Variants in UNC5D observed in about 807,000 individuals in gnomAD.
UNC5D encodes the protein unc-5 netrin receptor D.
A neutral mutation model predicts 105.4 loss-of-function variants in UNC5D; 39 were observed. That is an observed-to-expected ratio of 0.37 (90% CI 0.29 to 0.48). The LOEUF is 0.48. UNC5D is among the 20% of genes least tolerant of loss of function. The pLI, the probability that UNC5D is intolerant of heterozygous loss-of-function variation, is 0.98. For synonymous variants in UNC5D, 452 were observed against 450.4 expected, an observed-to-expected ratio of 1.00 and a Z score of -0.04; for missense variants, 991 against 1,202.4, an observed-to-expected ratio of 0.82 and a Z score of 2.60.
At chr8:35,328,048 T>C (rs1347707374) in intron 1 of UNC5D, among the ~76,000 whole-genome samples, 4 of 152,078 alleles carry the variant, frequency 2.6e-5, no homozygotes, top group Non-Finnish European at 5.9e-5. Context: ...GGATGTGTTT[T>C]TTGTTTGTTT....
chr8:35,793,249 A>G lies in UNC5D; in HGVS notation c.*2686A>G, dbSNP rs1170386854. 1 of 424,094 alleles carries G rather than the reference A, an allele frequency of 2.4e-6. No homozygotes were observed. Among genetic ancestry groups the G allele is most frequent in the Non-Finnish European group, 4.7e-6 (1 of 211,318 alleles). 26.3% of individuals were successfully genotyped at this position (424,094 alleles called of 1,614,324 possible). A position where few individuals can be genotyped will look rare whatever the true frequency, so the allele number is the denominator to read the frequency against. ...TTCAAAGAGAACCCACATTTGTGAG[A>G]TTTACAGACCAAGGTGTGGTGGAGG... On this transcript the variant is annotated 3_prime_UTR_variant, in exon 17 of 17. Coordinates refer to ENST00000404895, the MANE Select transcript of UNC5D (RefSeq NM_080872.4).
chr8:35,564,039 A>T (rs1230469941), intron 2 of UNC5D, among the ~76,000 whole-genome samples: 1 of 152,154 alleles, frequency 6.6e-6, no homozygotes, highest in Non-Finnish European at 1.5e-5. Flanking sequence ...ATCTGTGTTC[A>T]TCAACTATAT....
intron 1 of UNC5D, among the ~76,000 whole-genome samples, chr8:35,508,503 C>T (rs182356593): frequency 3.3e-4 from 50 of 152,300 alleles, no homozygotes; most frequent in South Asian, 1.2e-3. Flanking sequence ...AAGCTACCGC[C>T]TTTGAATCTT....
At chr8:35,727,525 C>T (rs1586541693) in intron 10 of UNC5D, 1 of 152,178 alleles carries the variant, frequency 6.6e-6, no homozygotes, top group East Asian at 1.9e-4. Context: ...ACTGACCCCT[C>T]TAGTAGCTTA....
intron 1 of UNC5D, among the ~76,000 whole-genome samples, chr8:35,295,170 A>C (rs181044046): frequency 6.6e-6 from 1 of 152,312 alleles, no homozygotes; most frequent in East Asian, 1.9e-4. Flanking sequence ...AAGTTTGTTT[A>C]CATTTCTCTC....
intron 4 of UNC5D, among the ~76,000 whole-genome samples, chr8:35,604,170 A>G (rs568900330): frequency 6.6e-6 from 1 of 152,162 alleles, no homozygotes; most frequent in Non-Finnish European, 1.5e-5. Context: ...ATGTTTTTGC[A>G]GTGGCTGGTA....
chr8:35,382,467 T>C, intron 1 of UNC5D, among the ~76,000 whole-genome samples: 1 of 152,120 alleles, frequency 6.6e-6, no homozygotes, highest in East Asian at 1.9e-4. Flanking sequence ...ATGCCCCTTA[T>C]TTTTTTATTT....
At chr8:35,415,366 CTGT>C (rs2128961232) in intron 1 of UNC5D, among the ~76,000 whole-genome samples, 1 of 152,192 alleles carries the variant, frequency 6.6e-6, no homozygotes, top group South Asian at 2.1e-4. Flanking sequence ...TGCAATCCAC[CTGT>C]TGTTTATTTT....
rs374094705 is a variant in UNC5D, at chr8:35,790,375, G to A, written c.2674G>A (p.Ala892Thr). Residue 892 changes from alanine to threonine, a missense_variant, in exon 17 of 17, where the codon GCT becomes ACT. Coordinates refer to ENST00000404895, the MANE Select transcript of UNC5D (RefSeq NM_080872.4). ...NSINRNLSYFATQSSPSAVIL... is the reference protein window; with the variant it reads ...NSINRNLSYFTTQSSPSAVIL... ...TCCATCTAGGAATTTATCTTATTTC[G>A]CTACACAAAGTAGCCCATCTGCTGT... is the stretch of plus-strand genomic sequence containing the variant. 45 of 1,613,016 alleles carry A rather than the reference G, an allele frequency of 2.8e-5. No homozygotes were observed. The highest frequency in any genetic ancestry group is 3.5e-5 in the Non-Finnish European group (41 of 1,179,730).
rs887609902 is a variant in UNC5D, at chr8:35,248,045, T to A, written c.103+12158T>A. ...ATATAAATAAATATTATATATAAAA[T>A]ATATATAATATATAAATATATATTA... On this transcript the variant is annotated intron_variant, in intron 1 of 16. Coordinates refer to ENST00000404895, the MANE Select transcript of UNC5D (RefSeq NM_080872.4). Among the ~76,000 whole-genome samples, 78 of 44,474 alleles carry A rather than the reference T, an allele frequency of 1.8e-3. 3 individuals carry two copies. Among genetic ancestry groups the A allele is most frequent in the East Asian group, 6.9e-3 (6 of 870 alleles). 29.2% of individuals were successfully genotyped at this position (44,474 alleles called of 152,430 possible).
intron 1 of UNC5D, among the ~76,000 whole-genome samples, chr8:35,274,857 A>C (rs1563271191): frequency 6.6e-6 from 1 of 152,114 alleles, no homozygotes; most frequent in Non-Finnish European, 1.5e-5. Context: ...TGGGAAGCCA[A>C]GGCAGGTGGA....
chr8:35,693,228 T>G (rs563497963), intron 7 of UNC5D, among the ~76,000 whole-genome samples: 2 of 152,260 alleles, frequency 1.3e-5, no homozygotes, highest in South Asian at 4.1e-4. Flanking sequence ...AACTGTCATT[T>G]TTGTGCCTCT....
chr8:35,512,471 T>TATAA (rs1333087673), intron 1 of UNC5D, among the ~76,000 whole-genome samples: 2 of 81,142 alleles, frequency 2.5e-5, no homozygotes, highest in Admixed American at 1.1e-4. Context: ...GAGCCATATA[T>TATAA]ATATATATAT....
intron 1 of UNC5D, among the ~76,000 whole-genome samples, chr8:35,346,028 TAAAAG>T (rs1314900009): frequency 1.3e-5 from 2 of 152,048 alleles, no homozygotes; most frequent in Non-Finnish European, 2.9e-5. Context: ...CTGAAATTCT[TAAAAG>T]AGAGAAAAGA....
chr8:35,729,713 C>G (rs1367354290), intron 10 of UNC5D, among the ~76,000 whole-genome samples: 1 of 152,046 alleles, frequency 6.6e-6, no homozygotes, highest in Non-Finnish European at 1.5e-5. Flanking sequence ...GAAGAATAGA[C>G]AAGGGAGGGA....
intron 4 of UNC5D, among the ~76,000 whole-genome samples, chr8:35,619,440 C>T (rs966621920): frequency 2.0e-5 from 3 of 152,162 alleles, no homozygotes; most frequent in African/African-American, 7.2e-5. Context: ...GAAGCAGAGA[C>T]TCTAGAAAAT....
intron 1 of UNC5D, among the ~76,000 whole-genome samples, chr8:35,246,017 T>C (rs1803071756): frequency 6.6e-6 from 1 of 152,202 alleles, no homozygotes. Context: ...CGGTCTTTTC[T>C]TGTTTCCTTT....
In UNC5D at chr8:35,786,534, C is replaced by T. The variant is rs142417264; in HGVS notation, c.2658-3825C>T. ...CAATATTTTTAATATTGTGTTGAGA[C>T]AATGATTCATTAGAAGCCTCAAAAC... On this transcript the variant is annotated intron_variant, in intron 16 of 16. Coordinates refer to ENST00000404895, the MANE Select transcript of UNC5D (RefSeq NM_080872.4). 3.9e-5 allele frequency among the ~76,000 whole-genome samples: 6 copies of T among 152,202 alleles called. No homozygotes were observed. In the East Asian group the frequency reaches 7.7e-4, roughly 20 times the overall value.
Position 35,480,840 on chromosome 8 carries a change from TAA to T in UNC5D, c.104-68450_104-68449del, listed in dbSNP as rs1162957104. On this transcript the variant is annotated intron_variant, in intron 1 of 16. Transcript: ENST00000404895. ...ACCCTTGGTCTGATTACCACAATGA[TAA>T]AGTTTCCCTTCACTGAGATGAGGAA... Among the ~76,000 whole-genome samples the T allele has an allele frequency of 3.9e-5, 6 of 152,312 alleles. No individual in the cohort carries two copies. The East Asian group carries it at 9.7e-4, about 25-fold the overall frequency.
Sources: gnomAD v4.1 joint callset for allele counts (sites outside exome capture counted in the v4.1 genomes callset) on GRCh38, gnomAD v4.1.1 for gene constraint, MANE v1.5 for transcripts, NCBI Gene and HGNC (gene_info 2026-07-23, HGNC 2026-07-21) for gene names.